Variants in NAV2 observed in about 807,000 individuals in gnomAD.
The protein encoded by NAV2 is helicase, APC down-regulated 1.
Under a neutral mutation model 223.2 loss-of-function variants are expected in NAV2, and 54 were observed. The observed-to-expected ratio is 0.24, with a 90% CI of 0.19 to 0.30. NAV2 has a LOEUF of 0.30. NAV2 is among the 10% of genes least tolerant of loss of function. The pLI is 1.00. For synonymous variants in NAV2, 1,279 were observed against 1,239.3 expected (o/e 1.03, Z -0.67); for missense variants, 2,806 against 3,147.5 (o/e 0.89, Z 2.60).
At chr11:19,938,481 TTTA>T (rs2046115158) in intron 7 of NAV2, among the ~76,000 whole-genome samples, 1 of 152,236 alleles carries the variant, frequency 6.6e-6, no homozygotes, top group Non-Finnish European at 1.5e-5. Context: ...CTTTCCAAGC[TTTA>T]TTGTTTTTAC....
chr11:19,925,747 C>CA lies in NAV2; in HGVS notation c.932-7412dup, dbSNP rs748662441. ...TGGGCAACAGAGTAAGATTCTGTCTCAAAAAAAAAAAAAAAAAGAATCCAA... is the reference window on the plus strand; with the variant it reads ...TGGGCAACAGAGTAAGATTCTGTCTCAAAAAAAAAAAAAAAAAAGAATCCAA... On this transcript the variant is annotated intron_variant, in intron 6 of 37. Transcript: ENST00000349880. Among the ~76,000 whole-genome samples, 496 of 95,682 alleles carry CA rather than the reference C, an allele frequency of 5.2e-3. 2 individuals are homozygous for CA. Among genetic ancestry groups the CA allele is most frequent in the East Asian group, 0.013 (41 of 3,214 alleles). 62.8% of individuals were successfully genotyped at this position (95,682 alleles called of 152,430 possible).
rs910279675 is a variant in NAV2 at position 19,656,150 on chromosome 11, G to A, written c.76-176334G>A. 3.9e-4 allele frequency among the ~76,000 whole-genome samples: 60 copies of A among 152,200 alleles called. 2 individuals are homozygous for A. The highest frequency in any genetic ancestry group is 2.9e-5 in the Non-Finnish European group (2 of 68,044). On this transcript the variant is annotated intron_variant, in intron 1 of 37. Transcript: ENST00000360655. Reference sequence around the variant, plus strand: ...ATCTCACAGCACAGCTTCAAGCTAAGTTGCTATCTAAATAGCAGATAGAAA... The same window carrying A: ...ATCTCACAGCACAGCTTCAAGCTAAATTGCTATCTAAATAGCAGATAGAAA...
chr11:19,389,524 TC>T lies in NAV2; in HGVS notation c.75+38499del, dbSNP rs549403009. Among the ~76,000 whole-genome samples the T allele has an allele frequency of 1.5e-3, 228 of 152,310 alleles. 1 individual carries two copies. Among genetic ancestry groups the T allele is most frequent in the African/African-American group, 5.1e-3 (211 of 41,568 alleles). ...CACCAGATTTGTGATGCTGAACAGA[TC>T]CTTTTCCTTCTTTGAGTCTCAGGAT... On this transcript the variant is annotated intron_variant, in intron 1 of 37. Transcript: ENST00000360655.
At chr11:19,942,157 C>T (rs754197909) in intron 8 of NAV2, among the ~76,000 whole-genome samples, 6 of 152,078 alleles carry the variant, frequency 3.9e-5, no homozygotes, top group African/African-American at 7.2e-5. Flanking sequence ...CACTGGAGCT[C>T]GATTGTGTTT....
chr11:19,782,192 A>G (rs2152684159), intron 1 of NAV2, among the ~76,000 whole-genome samples: 1 of 152,346 alleles, frequency 6.6e-6, no homozygotes, highest in Non-Finnish European at 1.5e-5. Context: ...AGCAGGTTGG[A>G]ATATACAGGA....
At chr11:20,069,706 C>T (rs755717771) in intron 22 of NAV2, among the ~76,000 whole-genome samples, 1 of 152,114 alleles carries the variant, frequency 6.6e-6, no homozygotes, top group Non-Finnish European at 1.5e-5. Flanking sequence ...CGTGTTCAAG[C>T]CAGACAGAAA....
intron 22 of NAV2, among the ~76,000 whole-genome samples, chr11:20,073,652 G>A (rs11025374): frequency 0.017 from 2,525 of 152,156 alleles, 90 homozygotes; most frequent in East Asian, 0.13. Flanking sequence ...CTTCTTCCTG[G>A]TTTAGTCTTG....
chr11:19,350,926 G>GGA, exon 1 of NAV2: 1 of 1,550,444 alleles, frequency 6.4e-7, no homozygotes, highest in Non-Finnish European at 8.7e-7. Flanking sequence ...CATCGCTGAA[G>GGA]GAGAGAGAGG....
chr11:19,770,990 T>C (rs764978245), intron 1 of NAV2, among the ~76,000 whole-genome samples: 1 of 152,184 alleles, frequency 6.6e-6, no homozygotes, highest in Non-Finnish European at 1.5e-5. Context: ...TTATATTCAT[T>C]ACATTTTTGA....
intron 1 of NAV2, among the ~76,000 whole-genome samples, chr11:19,429,799 G>C (rs979549380): frequency 1.3e-5 from 2 of 152,172 alleles, no homozygotes; most frequent in Non-Finnish European, 2.9e-5. Context: ...TCCTGAGACC[G>C]TGCAACCAGT....
rs2707091 is a variant in NAV2, at chr11:19,941,401, G to A, written c.2146+1628G>A. Among the ~76,000 whole-genome samples the A allele has an allele frequency of 3.7e-3, 479 of 129,354 alleles. 4 individuals are homozygous for A. The highest frequency in any genetic ancestry group is 0.014 in the African/African-American group (400 of 28,030). The allele number at this position is 129,354 out of a possible 152,430, so 84.9% of individuals were successfully genotyped here. ...ATGTCTTTATATTCAAGCAGTAGAAGTCACACATGTGACTATGTTGAATTT... is the reference window on the plus strand; with the variant it reads ...ATGTCTTTATATTCAAGCAGTAGAAATCACACATGTGACTATGTTGAATTT... On this transcript the variant is annotated intron_variant, in intron 8 of 37. Transcript: ENST00000349880.
At chr11:19,642,208 C>A (rs1367577438) in intron 1 of NAV2, among the ~76,000 whole-genome samples, 1 of 152,198 alleles carries the variant, frequency 6.6e-6, no homozygotes, top group Non-Finnish European at 1.5e-5. Context: ...TCTGCACATA[C>A]TCTTCAAGTC....
At chr11:19,729,976 C>T (rs1482006476) in intron 1 of NAV2, among the ~76,000 whole-genome samples, 1 of 152,212 alleles carries the variant, frequency 6.6e-6, no homozygotes, top group Admixed American at 6.5e-5. Context: ...TGTAATCTAG[C>T]CTCCACCTTA....
rs948193283 is a variant in NAV2 at position 20,105,342 on chromosome 11, A to C, written c.6645-189A>C. ...CGGAGGTGGAGATAATATCTATGTTAGAGGGTTGGTATCAGGAACTGTGAG... is the reference window on the plus strand; with the variant it reads ...CGGAGGTGGAGATAATATCTATGTTCGAGGGTTGGTATCAGGAACTGTGAG... On this transcript the variant is annotated intron_variant, in intron 34 of 37. Coordinates refer to ENST00000349880, the MANE Select transcript of NAV2 (RefSeq NM_145117.5). The C allele has an allele frequency of 1.4e-5, 7 of 517,654 alleles. No individual in the cohort carries two copies. The Admixed American group carries it at 1.4e-4, about 11-fold the overall frequency. 32.1% of individuals were successfully genotyped at this position (517,654 alleles called of 1,614,324 possible).
chr11:19,995,657 T>C (rs1018646314), intron 11 of NAV2, among the ~76,000 whole-genome samples: 3 of 151,356 alleles, frequency 2.0e-5, no homozygotes, highest in African/African-American at 7.3e-5. Context: ...CGGTGGAGAG[T>C]GGTGGGGTCT....
chr11:19,784,484 T>G (rs1017268525), intron 1 of NAV2, among the ~76,000 whole-genome samples: 1 of 151,126 alleles, frequency 6.6e-6, no homozygotes, highest in Non-Finnish European at 1.5e-5. Context: ...TTATTATTAT[T>G]GACACTCCTT....
In NAV2 at chr11:19,586,358, T is replaced by G. The variant is rs1377628955; in HGVS notation, c.75+235331T>G. Among the ~76,000 whole-genome samples the G allele has an allele frequency of 3.3e-5, 5 of 152,236 alleles. No individual in the cohort carries two copies. The East Asian group carries it at 9.6e-4, about 29-fold the overall frequency. The stretch of plus-strand genomic sequence containing the variant: ...TTTAGCTCAGAGTAGTTTGATCGTC[T>G]GAAGCCTTCTTTTCTCAACTCATCA... On this transcript the variant is annotated intron_variant, in intron 1 of 37. Transcript: ENST00000360655.
chr11:20,026,934 G>A (rs1157657389), intron 11 of NAV2, among the ~76,000 whole-genome samples: 1 of 152,190 alleles, frequency 6.6e-6, no homozygotes, highest in Non-Finnish European at 1.5e-5. Context: ...ATTAATAAGT[G>A]TTGGTGATTA....
At chr11:19,825,325 A>G (rs1294360336) in intron 1 of NAV2, among the ~76,000 whole-genome samples, 3 of 141,866 alleles carry the variant, frequency 2.1e-5, no homozygotes, top group African/African-American at 7.8e-5. Context: ...AAAAAAAGGC[A>G]TTATATGATG....
Sources: allele counts gnomAD v4.1 joint callset (sites outside exome capture counted in the v4.1 genomes callset), GRCh38; gene constraint gnomAD v4.1.1; transcripts MANE v1.5; gene names NCBI Gene and HGNC (gene_info 2026-07-23, HGNC 2026-07-21).